Variants in SYNE1 observed in about 807,000 individuals in gnomAD.
SYNE1 encodes nesprin-1.
A neutral mutation model predicts 1,111.0 loss-of-function variants in SYNE1; 616 were observed. That is an observed-to-expected ratio of 0.55 (90% CI 0.52 to 0.59). The LOEUF (loss-of-function observed/expected upper bound fraction) is 0.59. SYNE1 is among the 20% of genes least tolerant of loss of function. SYNE1 has a pLI of 0.00. For synonymous variants in SYNE1, 3,855 were observed against 3,825.8 expected (o/e 1.01, Z -0.28); for missense variants, 10,006 against 10,417.0 (o/e 0.96, Z 1.72).
intron 18 of SYNE1, among the ~76,000 whole-genome samples, chr6:152,464,341 T>C (rs1448160336): frequency 6.6e-6 from 1 of 152,138 alleles, no homozygotes; most frequent in Non-Finnish European, 1.5e-5. Flanking sequence ...CCTACATATA[T>C]AAATAGATTA....
intron 130 of SYNE1, among the ~76,000 whole-genome samples, chr6:152,171,272 A>C (rs1173938794): frequency 6.6e-6 from 1 of 152,194 alleles, no homozygotes; most frequent in African/African-American, 2.4e-5. Context: ...GAATCACGCT[A>C]TGACTCAGGC....
chr6:152,426,998 A>T (rs1357782743), intron 38 of SYNE1, among the ~76,000 whole-genome samples: 1 of 152,228 alleles, frequency 6.6e-6, no homozygotes, highest in African/African-American at 2.4e-5. Context: ...AATACAATAA[A>T]TCTTTTTTGA....
At chr6:152,234,611 T>A in intron 111 of SYNE1, 57 bp downstream of exon 111, 2 of 1,608,112 alleles carry the variant, frequency 1.2e-6, no homozygotes, top group Non-Finnish European at 1.7e-6. Flanking sequence ...TCTACTGGTG[T>A]ATGGGTCAGG....
intron 131 of SYNE1, among the ~76,000 whole-genome samples, chr6:152,162,300 C>T (rs2062678183): frequency 1.3e-5 from 2 of 152,180 alleles, no homozygotes; most frequent in Non-Finnish European, 2.9e-5. Flanking sequence ...TATCCACTTT[C>T]TATCTTGCAA....
At chr6:152,135,378 T>C in intron 141 of SYNE1, 146 bp from the exon 142 acceptor site, 1 of 867,666 alleles carries the variant, frequency 1.2e-6, no homozygotes, top group South Asian at 1.6e-5. Flanking sequence ...ACTGGTGCTG[T>C]TGTAATGACC....
At chr6:152,519,066 A>G (rs1007737545) in intron 6 of SYNE1, among the ~76,000 whole-genome samples, 1 of 152,126 alleles carries the variant, frequency 6.6e-6, no homozygotes. Context: ...GCAGCACACC[A>G]ACATGGCACA....
rs757280513 is a variant in SYNE1, at chr6:152,369,492, C to T, written c.9630G>A (p.Arg3210=). ...TCACCTGGAGCTTCTGCTGCTCCCT[C>T]CTCTTTGCTGGCAGATCATAGAGGC... is the stretch of plus-strand genomic sequence containing the variant. The part of the protein sequence containing the change: ...SNRLYDLPAK[R]REQQKLQSVL... Residue 3210 remains arginine (R), a synonymous_variant, in exon 60 of 146, where the codon AGG becomes AGA. Transcript: ENST00000367255. 29 of 1,614,034 alleles carry T rather than the reference C, an allele frequency of 1.8e-5. No individual in the cohort carries two copies. Among genetic ancestry groups the T allele is most frequent in the Non-Finnish European group, 2.1e-5 (25 of 1,180,036 alleles).
At chr6:152,428,498 A>T in intron 36 of SYNE1, 106 bp from the exon 37 acceptor site, 2 of 1,080,386 alleles carry the variant, frequency 1.9e-6, no homozygotes, top group Non-Finnish European at 2.8e-6. Context: ...GTCATAATAA[A>T]CAGGAATAGC....
Position 152,449,514 on chromosome 6 carries a change from A to G in SYNE1, c.3504+19T>C. ...ACTATGAGAAATTTTCCTCTAGCAA[A>G]TAATGACCCTGAACTTACTTCAACG... On this transcript the variant is annotated intron_variant, in intron 28 of 145. Transcript: ENST00000367255. The G allele has an allele frequency of 6.3e-7, 1 of 1,585,856 alleles. No individual in the cohort carries two copies. The highest frequency in any genetic ancestry group is 8.7e-7 in the Non-Finnish European group (1 of 1,154,320).
chr6:152,301,530 T>A (rs2095167683), intron 92 of SYNE1, among the ~76,000 whole-genome samples: 1 of 152,102 alleles, frequency 6.6e-6, no homozygotes, highest in Admixed American at 6.5e-5. Flanking sequence ...GAATTTCCCA[T>A]CCCCCAGACA....
intron 105 of SYNE1, among the ~76,000 whole-genome samples, chr6:152,247,388 AATT>A (rs2087503850): frequency 1.3e-5 from 2 of 152,172 alleles, no homozygotes; most frequent in Non-Finnish European, 2.9e-5. Flanking sequence ...AATTAGTAAA[AATT>A]ATTACTTGTG....
At chr6:152,426,705 T>C in intron 38 of SYNE1, among the ~76,000 whole-genome samples, 1 of 152,214 alleles carries the variant, frequency 6.6e-6, no homozygotes, top group South Asian at 2.1e-4. Flanking sequence ...TTGCCCTTTA[T>C]GGTCAGGGCG....
chr6:152,187,248 G>C (rs1190596139), intron 128 of SYNE1, among the ~76,000 whole-genome samples: 1 of 152,168 alleles, frequency 6.6e-6, no homozygotes, highest in Admixed American at 6.5e-5. Flanking sequence ...AGAGTTTTCT[G>C]TTGGCCCACG....
chr6:152,371,952 G>A (rs2097198406), intron 59 of SYNE1, among the ~76,000 whole-genome samples: 1 of 148,904 alleles, frequency 6.7e-6, no homozygotes, highest in Non-Finnish European at 1.5e-5. Flanking sequence ...GGAAAGGAAA[G>A]GAAAGGAAAG....
intron 23 of SYNE1, 69 bp from the exon 24 acceptor site, chr6:152,455,659 G>A: frequency 1.3e-6 from 2 of 1,591,074 alleles, no homozygotes; most frequent in Admixed American, 1.7e-5. Context: ...TTGTTAGAGG[G>A]TATTATTCAT....
At chr6:152,593,742 T>C (rs2099573292) in intron 3 of SYNE1, among the ~76,000 whole-genome samples, 1 of 152,168 alleles carries the variant, frequency 6.6e-6, no homozygotes, top group South Asian at 2.1e-4. Flanking sequence ...TTGTAAACCA[T>C]GTGGCCTTGA....
chr6:152,229,242 A>G (rs563512213), intron 115 of SYNE1, among the ~76,000 whole-genome samples: 2 of 152,306 alleles, frequency 1.3e-5, no homozygotes, highest in Admixed American at 1.3e-4. Context: ...GTTTTTAGGA[A>G]ACACTATAAG....
chr6:152,231,497 C>T lies in SYNE1; in HGVS notation c.20933G>A (p.Ser6978Asn). ...DFVNQSVLQI[S>N]SQDVESKRSD... is the part of the protein sequence containing the mutation. ...ACGCTTACTTTCCACATCCTGACTG[C>T]TGATTTGTAGCACGGACTGGTTCAC... Residue 6978 changes from serine to asparagine, a missense_variant, in exon 114 of 146, where the codon AGC becomes AAC. Physicochemically the swap from Ser to Asn is conservative, Grantham distance 46 (BLOSUM62 1). Around this residue, in one of 7 missense-constraint regions of SYNE1, gnomAD observed 2,182 missense variants for 2,287.8 expected, o/e 0.95. Transcript: ENST00000367255. 6.2e-7 allele frequency: 1 copy of T among 1,614,112 alleles called. No individual in the cohort carries two copies. Among genetic ancestry groups the T allele is most frequent in the Non-Finnish European group, 8.5e-7 (1 of 1,180,018 alleles).
At chr6:152,191,642 T>G (rs2072421919) in intron 127 of SYNE1, among the ~76,000 whole-genome samples, 2 of 152,138 alleles carry the variant, frequency 1.3e-5, no homozygotes, top group Non-Finnish European at 2.9e-5. Context: ...ATTTAGATCT[T>G]CTCTTTTTTT....
Sources: allele counts gnomAD v4.1 joint callset (sites outside exome capture counted in the v4.1 genomes callset), GRCh38; gene constraint gnomAD v4.1.1; regional missense constraint gnomAD v4.1.1; transcripts MANE v1.5; gene names NCBI Gene and HGNC (gene_info 2026-07-23, HGNC 2026-07-21).